Variants in DTD1 observed in about 807,000 individuals in gnomAD.
DTD1 encodes the protein D-aminoacyl-tRNA deacylase 1, also known as D-tyrosyl-tRNA deacylase 1 homolog.
DTD1 carries 13 observed loss-of-function variants against 25.6 expected under a neutral mutation model. The observed-to-expected ratio is 0.51, with a 90% confidence interval of 0.33 to 0.81. The LOEUF (loss-of-function observed/expected upper bound fraction) is 0.81, where lower values mean the gene tolerates loss of function less well. Among genes scored for constraint, DTD1 ranks in the 30% least tolerant of loss-of-function variants. The pLI, the probability that DTD1 is intolerant of heterozygous loss-of-function variation, is 0.02. For missense variants in DTD1, 193 were observed against 266.4 expected (o/e 0.72, Z 1.92); for synonymous variants, 110 against 103.6 (o/e 1.06, Z -0.37).
At chr20:18,739,270 T>G (rs903238623) in intron 4 of DTD1, among the ~76,000 whole-genome samples, 22 of 152,252 alleles carry the variant, frequency 1.4e-4, no homozygotes, top group Non-Finnish European at 4.4e-5. Context: ...CAATTAGAGC[T>G]TGGGCATCTT....
At chr20:18,723,741 T>C (rs1223283600) in intron 4 of DTD1, among the ~76,000 whole-genome samples, 1 of 152,246 alleles carries the variant, frequency 6.6e-6, no homozygotes, top group Non-Finnish European at 1.5e-5. Context: ...AGCTCCATTG[T>C]AGAGGAAAAG....
chr20:18,670,383 G>A (rs1466186377), intron 4 of DTD1, among the ~76,000 whole-genome samples: 1 of 152,186 alleles, frequency 6.6e-6, no homozygotes, highest in Non-Finnish European at 1.5e-5. Flanking sequence ...CTGAACCCAG[G>A]AGGCGGAGGT....
chr20:18,668,599 G>A (rs908770457), intron 4 of DTD1, among the ~76,000 whole-genome samples: 5 of 152,118 alleles, frequency 3.3e-5, no homozygotes, highest in Admixed American at 2.6e-4. Flanking sequence ...GAGAGCTCCT[G>A]GGGCCACCAC....
intron 3 of DTD1, among the ~76,000 whole-genome samples, chr20:18,609,163 C>T (rs970941203): frequency 2.7e-5 from 4 of 150,356 alleles, no homozygotes; most frequent in Non-Finnish European, 5.9e-5. Flanking sequence ...TTTTTTTTGA[C>T]AGGGTCTCAC....
At chr20:18,697,359 C>T (rs8183863) in intron 4 of DTD1, among the ~76,000 whole-genome samples, 10 of 152,022 alleles carry the variant, frequency 6.6e-5, no homozygotes, top group Admixed American at 5.2e-4. Flanking sequence ...TTCACATGTC[C>T]TTCTTATTGA....
chr20:18,721,295 A>G (rs1449582433), intron 4 of DTD1, among the ~76,000 whole-genome samples: 1 of 152,138 alleles, frequency 6.6e-6, no homozygotes, highest in Non-Finnish European at 1.5e-5. Flanking sequence ...ATGTGTGGCT[A>G]CTGAGTGATG....
chr20:18,652,258 G>A (rs2060877100), intron 4 of DTD1, among the ~76,000 whole-genome samples: 1 of 152,058 alleles, frequency 6.6e-6, no homozygotes, highest in South Asian at 2.1e-4. Flanking sequence ...GGCATTTGGG[G>A]GATTCCCAAT....
intron 4 of DTD1, among the ~76,000 whole-genome samples, chr20:18,665,791 T>C (rs1316873772): frequency 6.6e-6 from 1 of 152,256 alleles, no homozygotes; most frequent in East Asian, 1.9e-4. Flanking sequence ...GGTTTATTTT[T>C]TCTCTCGCAT....
chr20:18,737,987 T>C (rs2061263050), intron 4 of DTD1, among the ~76,000 whole-genome samples: 1 of 152,224 alleles, frequency 6.6e-6, no homozygotes, highest in African/African-American at 2.4e-5. Context: ...CCCAGGTTCC[T>C]CTGCTTTACC....
At chr20:18,761,816 C>T (rs6081360) in intron 5 of DTD1, among the ~76,000 whole-genome samples, 38,208 of 152,042 alleles carry the variant, frequency 0.25, 5,080 homozygotes, top group Middle Eastern at 0.34. Flanking sequence ...TCCCCAGGTC[C>T]GTAACTTGGG....
chr20:18,628,366 C>G, intron 4 of DTD1, 133 bp downstream of exon 4: 2 of 707,882 alleles, frequency 2.8e-6, no homozygotes, highest in Non-Finnish European at 4.7e-6. Context: ...CCTGCCTTCC[C>G]AAGAGTGCAT....
At chr20:18,599,160 A>G (rs1305219231) in intron 3 of DTD1, among the ~76,000 whole-genome samples, 10 of 152,004 alleles carry the variant, frequency 6.6e-5, no homozygotes, top group Admixed American at 6.6e-4. Flanking sequence ...ATAAACATCT[A>G]TGTTTTCTTA....
chr20:18,623,430 A>C (rs1437898489), intron 3 of DTD1, among the ~76,000 whole-genome samples: 1 of 150,174 alleles, frequency 6.7e-6, no homozygotes, highest in Non-Finnish European at 1.5e-5. Context: ...TGAGTGTGTG[A>C]TTTATTTGGT....
intron 1 of DTD1, among the ~76,000 whole-genome samples, chr20:18,592,154 A>G (rs1198707392): frequency 6.6e-6 from 1 of 152,198 alleles, no homozygotes; most frequent in Non-Finnish European, 1.5e-5. Flanking sequence ...ATTTATAGCT[A>G]TTACCCTGCA....
At chr20:18,616,272 C>T (rs1459158746) in intron 3 of DTD1, among the ~76,000 whole-genome samples, 1 of 152,160 alleles carries the variant, frequency 6.6e-6, no homozygotes, top group Non-Finnish European at 1.5e-5. Flanking sequence ...TTACTGACTT[C>T]ATTATTTATT....
intron 5 of DTD1, among the ~76,000 whole-genome samples, chr20:18,745,753 G>C (rs930744697): frequency 2.6e-5 from 4 of 152,202 alleles, no homozygotes; most frequent in African/African-American, 4.8e-5. Flanking sequence ...TGAACTTAGA[G>C]AAATAGGAGG....
chr20:18,611,838 G>T (rs2060687678), intron 3 of DTD1, among the ~76,000 whole-genome samples: 1 of 152,056 alleles, frequency 6.6e-6, no homozygotes, highest in African/African-American at 2.4e-5. Flanking sequence ...CCTCACGCAT[G>T]TTTTTTTAAA....
chr20:18,628,084 C>T, intron 3 of DTD1, 43 bp from the exon 4 acceptor site: 2 of 1,535,982 alleles, frequency 1.3e-6, no homozygotes, highest in Admixed American at 1.7e-5. Context: ...ATGGAGTAAT[C>T]TGGTGTCTCC....
chr20:18,725,855 T>A (rs925580445), intron 4 of DTD1, among the ~76,000 whole-genome samples: 1 of 152,238 alleles, frequency 6.6e-6, no homozygotes, highest in Non-Finnish European at 1.5e-5. Flanking sequence ...CAGTGTTTTC[T>A]TTCATTCCCA....
Sources: gnomAD v4.1 joint callset for allele counts (sites outside exome capture counted in the v4.1 genomes callset) on GRCh38, gnomAD v4.1.1 for gene constraint, MANE v1.5 for transcripts, NCBI Gene and HGNC (gene_info 2026-07-23, HGNC 2026-07-21) for gene names.